Variants in GABBR2 observed in about 807,000 individuals in gnomAD.
The protein encoded by GABBR2 is gamma-aminobutyric acid type B receptor subunit 2, also known as G-protein coupled receptor 51.
GABBR2 carries 23 observed loss-of-function variants against 105.6 expected under a neutral mutation model. The ratio of observed to expected loss-of-function variants is 0.22; its 90% CI spans 0.16 to 0.31. The LOEUF (loss-of-function observed/expected upper bound fraction) is 0.31. GABBR2 is among the 10% of genes least tolerant of loss of function. GABBR2 has a pLI of 1.00. For missense variants in GABBR2, 734 were observed against 1,245.5 expected, an observed-to-expected ratio of 0.59 and a Z score of 6.18; for synonymous variants, 478 against 499.7, an observed-to-expected ratio of 0.96 and a Z score of 0.58.
At chr9:98,664,910 G>A (rs1830313267) in intron 1 of GABBR2, among the ~76,000 whole-genome samples, 1 of 152,154 alleles carries the variant, frequency 6.6e-6, no homozygotes, top group Admixed American at 6.5e-5. Context: ...AGGATCGCTT[G>A]AGCCCAGGAG....
chr9:98,415,895 A>C (rs187577277), intron 7 of GABBR2, among the ~76,000 whole-genome samples: 4 of 152,284 alleles, frequency 2.6e-5, no homozygotes, highest in Admixed American at 2.6e-4. Flanking sequence ...GGAGTCATTG[A>C]TCAGAAAATG....
rs144564930 is a variant in GABBR2 at position 98,522,475 on chromosome 9, C to T, written c.630+19398G>A. Reference sequence around the variant, plus strand: ...AATAAAGAAAGAATCCTACAAGCAACTGGTACAGGCGACTAAAAAACTTTA... The same window carrying T: ...AATAAAGAAAGAATCCTACAAGCAATTGGTACAGGCGACTAAAAAACTTTA... On this transcript the variant is annotated intron_variant, in intron 3 of 18. Coordinates refer to ENST00000259455, the MANE Select transcript of GABBR2 (RefSeq NM_005458.8). Among the ~76,000 whole-genome samples, 1,512 of 152,244 alleles carry T rather than the reference C, an allele frequency of 9.9e-3. 10 individuals are homozygous for T. Among genetic ancestry groups the T allele is most frequent in the Non-Finnish European group, 0.015 (1,052 of 67,984 alleles).
intron 13 of GABBR2, among the ~76,000 whole-genome samples, chr9:98,311,474 G>A (rs1026066651): frequency 6.6e-6 from 1 of 152,158 alleles, no homozygotes; most frequent in Admixed American, 6.5e-5. Flanking sequence ...AGCTCCTGAG[G>A]GTAGGAACTG....
chr9:98,317,878 T>C (rs1830745897), intron 13 of GABBR2, among the ~76,000 whole-genome samples: 2 of 152,148 alleles, frequency 1.3e-5, no homozygotes, highest in African/African-American at 4.8e-5. Context: ...TAAATATTCC[T>C]AAAGGAAACT....
chr9:98,384,890 T>C (rs1284021226), intron 11 of GABBR2, among the ~76,000 whole-genome samples: 1 of 152,134 alleles, frequency 6.6e-6, no homozygotes, highest in Admixed American at 6.5e-5. Context: ...ATAAGAGGAA[T>C]CATTAGGAAA....
At chr9:98,708,042 C>A (rs1234266239) in intron 1 of GABBR2, among the ~76,000 whole-genome samples, 1 of 152,228 alleles carries the variant, frequency 6.6e-6, no homozygotes, top group Non-Finnish European at 1.5e-5. Context: ...TCCTCCCACT[C>A]GGTACCTCGC....
intron 7 of GABBR2, among the ~76,000 whole-genome samples, chr9:98,446,951 C>A (rs1286496565): frequency 6.6e-6 from 1 of 152,112 alleles, no homozygotes; most frequent in Non-Finnish European, 1.5e-5. Context: ...GAATGACCAG[C>A]CCCAAGTGGT....
chr9:98,673,106 G>C (rs562179012), intron 1 of GABBR2, among the ~76,000 whole-genome samples: 2 of 152,292 alleles, frequency 1.3e-5, no homozygotes, highest in East Asian at 3.9e-4. Context: ...CATGTACACG[G>C]AGATGGTGAC....
intron 1 of GABBR2, among the ~76,000 whole-genome samples, chr9:98,617,429 C>T (rs1829602487): frequency 6.6e-6 from 1 of 152,154 alleles, no homozygotes; most frequent in African/African-American, 2.4e-5. Context: ...AGAGCAGGGA[C>T]ACTGAATGAC....
chr9:98,541,957 C>T lies in GABBR2; in HGVS notation c.546G>A (p.Val182=). The change falls in exon 3 of 19, where the codon GTG becomes GTA. Residue 182 remains valine, a synonymous_variant. Transcript: ENST00000259455. ...FFRTVPSDNA[V]NPAILKLLKH... is the part of the protein sequence containing the mutation. ...TGAGCAACTTCAGAATGGCTGGATT[C>T]ACCGCATTGTCTGATGGGACGGTCC... is the stretch of plus-strand genomic sequence containing the variant. The T allele has an allele frequency of 6.2e-7, 1 of 1,614,150 alleles. No individual in the cohort carries two copies.
At chr9:98,422,495 C>CGTGTGTGTGTGTGTGT (rs1832799158) in intron 7 of GABBR2, among the ~76,000 whole-genome samples, 2 of 132,674 alleles carry the variant, frequency 1.5e-5, no homozygotes, top group Admixed American at 1.5e-4. Flanking sequence ...GCTTAATGCA[C>CGTGTGTGTGTGTGTGT]CTGTGTGTGT....
intron 1 of GABBR2, among the ~76,000 whole-genome samples, chr9:98,689,709 A>G (rs1259292146): frequency 6.6e-6 from 1 of 152,210 alleles, no homozygotes; most frequent in Non-Finnish European, 1.5e-5. Context: ...GACAGGGTTT[A>G]TGGCACGGTT....
chr9:98,565,144 A>G (rs572572513), intron 2 of GABBR2, among the ~76,000 whole-genome samples: 1 of 152,190 alleles, frequency 6.6e-6, no homozygotes, highest in Non-Finnish European at 1.5e-5. Flanking sequence ...GACTTTACAC[A>G]GGCCACATCA....
At chr9:98,512,940 A>G (rs1827679544) in intron 3 of GABBR2, among the ~76,000 whole-genome samples, 4 of 152,240 alleles carry the variant, frequency 2.6e-5, no homozygotes, top group Admixed American at 6.5e-5. Context: ...AAGAGCCCGC[A>G]TCACCAAGTC....
intron 5 of GABBR2, among the ~76,000 whole-genome samples, chr9:98,477,471 T>C (rs572461536): frequency 2.2e-4 from 34 of 152,314 alleles, no homozygotes; most frequent in African/African-American, 8.2e-4. Context: ...CTCTTGGGCT[T>C]AGGCTATCTT....
At position 98,336,028 on chromosome 9, in the gene GABBR2, C is replaced by A. The variant is rs78424072; in HGVS notation, c.1894-24823G>T. Among the ~76,000 whole-genome samples the A allele has an allele frequency of 2.8e-3, 429 of 152,100 alleles. 6 individuals are homozygous for A. The highest frequency in any genetic ancestry group is 9.9e-3 in the African/African-American group (412 of 41,468). On this transcript the variant is annotated intron_variant, in intron 13 of 18. Coordinates refer to ENST00000259455, the MANE Select transcript of GABBR2 (RefSeq NM_005458.8). ...GGATGATAGAATATAGATGAGAGAA[C>A]GAGGAATAAGCAATGTGATGGAGAA...
intron 3 of GABBR2, among the ~76,000 whole-genome samples, chr9:98,509,284 A>G (rs928805136): frequency 2.0e-5 from 3 of 152,204 alleles, no homozygotes; most frequent in African/African-American, 7.2e-5. Context: ...CACCATCATC[A>G]AAGACCAAAG....
intron 13 of GABBR2, among the ~76,000 whole-genome samples, chr9:98,329,318 A>G (rs1830982167): frequency 1.3e-5 from 2 of 152,236 alleles, no homozygotes; most frequent in Non-Finnish European, 1.5e-5. Flanking sequence ...CCCCATCAGG[A>G]AAATGAGAGA....
intron 12 of GABBR2, among the ~76,000 whole-genome samples, chr9:98,369,624 G>A (rs767039973): frequency 1.3e-5 from 2 of 152,166 alleles, no homozygotes; most frequent in Admixed American, 6.5e-5. Context: ...CTCACTGCTC[G>A]GGCTGGGTTG....
Sources: gnomAD v4.1 joint callset for allele counts (sites outside exome capture counted in the v4.1 genomes callset) on GRCh38, gnomAD v4.1.1 for gene constraint, MANE v1.5 for transcripts, NCBI Gene and HGNC (gene_info 2026-07-23, HGNC 2026-07-21) for gene names.